SACS: variants seen among roughly 807,000 people sequenced by gnomAD.
SACS encodes sacsin molecular chaperone.
In SACS, 197 loss-of-function variants were observed where a neutral mutation model predicts 348.0. The observed-to-expected ratio is 0.57, with a 90% CI of 0.50 to 0.64. The LOEUF (loss-of-function observed/expected upper bound fraction) is 0.64, where lower values mean the gene tolerates loss of function less well. Ranked by LOEUF, SACS falls within the 30% of genes least tolerant of loss-of-function variation. SACS has a pLI of 0.00. For synonymous variants in SACS, 1,985 were observed against 1,910.6 expected (o/e 1.04, Z -1.02); for missense variants, 4,999 against 5,360.8 (o/e 0.93, Z 2.11).
intron 7 of SACS, among the ~76,000 whole-genome samples, chr13:23,357,876 C>T (rs1870494178): frequency 6.6e-6 from 1 of 152,116 alleles, no homozygotes; most frequent in African/African-American, 2.4e-5. Context: ...ATACCAGAAC[C>T]ACCTCAAAGA....
chr13:23,361,319 T>G (rs1381115306), intron 6 of SACS, among the ~76,000 whole-genome samples: 1 of 152,210 alleles, frequency 6.6e-6, no homozygotes, highest in Non-Finnish European at 1.5e-5. Flanking sequence ...TCTGATCATA[T>G]TCATCCTGGA....
At chr13:23,412,963 G>A (rs959138313) in intron 1 of SACS, among the ~76,000 whole-genome samples, 9 of 152,196 alleles carry the variant, frequency 5.9e-5, no homozygotes, top group African/African-American at 1.9e-4. Flanking sequence ...GGAAGCCTCA[G>A]TGAAAAATGA....
intron 1 of SACS, among the ~76,000 whole-genome samples, chr13:23,430,997 G>A (rs919685270): frequency 2.6e-5 from 4 of 152,138 alleles, no homozygotes; most frequent in African/African-American, 7.2e-5. Context: ...CAAGGGAATC[G>A]AGTCTTACCA....
intron 1 of SACS, among the ~76,000 whole-genome samples, chr13:23,430,764 C>T (rs1372737649): frequency 6.6e-6 from 1 of 152,170 alleles, no homozygotes; most frequent in Non-Finnish European, 1.5e-5. Context: ...TTATTTTCTG[C>T]CCCAGATGAC....
chr13:23,429,092 T>C (rs1262402004), intron 1 of SACS, among the ~76,000 whole-genome samples: 2 of 152,148 alleles, frequency 1.3e-5, no homozygotes, highest in South Asian at 2.1e-4. Flanking sequence ...TATGAGTGAA[T>C]TGTATGGTAT....
In SACS at chr13:23,398,775, C is replaced by G. The variant is rs146091500; in HGVS notation, c.20+12445G>C. ...GCAGAGGAAGCTCTTAGATAACAGA[C>G]TTCAGAGAGAGCAGGTTGTAAATTG... On this transcript the variant is annotated intron_variant, in intron 2 of 9. Coordinates refer to ENST00000382292, the MANE Select transcript of SACS (RefSeq NM_014363.6). Among the ~76,000 whole-genome samples the G allele has an allele frequency of 8.1e-4, 123 of 152,024 alleles. 1 individual carries two copies. The highest frequency in any genetic ancestry group is 2.8e-3 in the African/African-American group (117 of 41,464).
At position 23,330,946 on chromosome 13, in the gene SACS, C is replaced by T. The variant is rs756753303; in HGVS notation, c.12930G>A (p.Val4310=). The change falls in exon 10 of 10, where the codon GTG becomes GTA. Residue 4310 remains valine, a synonymous_variant. Coordinates refer to ENST00000382292, the MANE Select transcript of SACS (RefSeq NM_014363.6). ...TCCATGCTTGCTCCACCACAGATGT[C>T]ACTTCTTTTAAGATTTCTGGTAAAG... is the stretch of plus-strand genomic sequence containing the variant. ...VNSLPEILKE[V]TSVVEQAWKL... 1.2e-6 allele frequency: 2 copies of T among 1,614,080 alleles called. No individual in the cohort carries two copies. The highest frequency in any genetic ancestry group is 1.7e-5 in the Admixed American group (1 of 60,020).
intron 8 of SACS, 40 bp downstream of exon 8, chr13:23,354,479 C>A (rs1192612640): frequency 3.2e-6 from 5 of 1,569,934 alleles, no homozygotes; most frequent in East Asian, 2.2e-5. Context: ...AGCAGGGGAA[C>A]CCTAAGAGTG....
Position 23,330,753 on chromosome 13 carries a change from C to A in SACS, c.13123G>T (p.Ala4375Ser), listed in dbSNP as rs1201867800. Residue 4375 changes from alanine to serine, a missense_variant, in exon 10 of 10, where the codon GCC becomes TCC. This residue lies in a region of SACS where 254 missense variants were observed against 275.1 expected (regional missense o/e 0.92). Transcript: ENST00000382292. Reference sequence around the variant, plus strand: ...GAGGTTGAAAATGTTCGTCTGGAGGCCCTGTCTGCATTTTGATCTAGAAAA... The same window carrying A: ...GAGGTTGAAAATGTTCGTCTGGAGGACCTGTCTGCATTTTGATCTAGAAAA... ...QAFLDQNADRASRRTFSTSAS... is the reference protein window; with the variant it reads ...QAFLDQNADRSSRRTFSTSAS... 2 of 1,613,676 alleles carry A rather than the reference C, an allele frequency of 1.2e-6. No homozygotes were observed. Among genetic ancestry groups the A allele is most frequent in the Non-Finnish European group, 1.7e-6 (2 of 1,179,892 alleles).
chr13:23,375,158 G>A lies in SACS; in HGVS notation c.132C>T (p.Phe44=). Residue 44 remains phenylalanine, a synonymous_variant, in exon 3 of 10, where the codon TTC becomes TTT. Coordinates refer to ENST00000382292, the MANE Select transcript of SACS (RefSeq NM_014363.6). ...VKERIFAETG[F]PVSEQRLWRG... The stretch of plus-strand genomic sequence containing the variant: ...GCCACAGCCGCTGCTCCGACACCGG[G>A]AAGCCAGTCTCCGCGAAGATACGTT... 5 of 1,504,868 alleles carry A rather than the reference G, an allele frequency of 3.3e-6. No homozygotes were observed. The highest frequency in any genetic ancestry group is 1.3e-5 in the South Asian group (1 of 79,710). 93.2% of individuals were successfully genotyped at this position (1,504,868 alleles called of 1,614,324 possible).
At chr13:23,349,499 T>A (rs968874015) in intron 9 of SACS, among the ~76,000 whole-genome samples, 4 of 152,242 alleles carry the variant, frequency 2.6e-5, no homozygotes, top group Admixed American at 6.5e-5. Context: ...GATATTATGT[T>A]AAACTATATG....
intron 1 of SACS, among the ~76,000 whole-genome samples, chr13:23,421,337 G>A (rs1224766651): frequency 1.3e-5 from 2 of 152,014 alleles, no homozygotes; most frequent in African/African-American, 4.8e-5. Context: ...TATTCACCAG[G>A]GGTTTAGGCA....
Position 23,335,373 on chromosome 13 carries a change from T to C in SACS, c.8503A>G (p.Ser2835Gly). Residue 2835 changes from serine (S) to glycine (G), a missense_variant, in exon 10 of 10, where the codon AGT (serine) becomes GGT (glycine). By Grantham distance (56) the Ser-to-Gly change is moderately conservative (BLOSUM62 0). Coordinates refer to ENST00000382292, the MANE Select transcript of SACS (RefSeq NM_014363.6). This position sits in a 1 kb window ranked among gnomAD's most constrained non-coding sequence, Gnocchi z 4.7. Reference sequence around the variant, plus strand: ...TGGTTCTTGTGAGCTGATATGACACTTTTAGATACTTTCTCCATACTTGAA... The same window carrying C: ...TGGTTCTTGTGAGCTGATATGACACCTTTAGATACTTTCTCCATACTTGAA... ...GFSSMEKVSK[S>G]VISAHKNQDI... The C allele has an allele frequency of 6.2e-7, 1 of 1,613,898 alleles. No homozygotes were observed. The highest frequency in any genetic ancestry group is 1.3e-5 in the African/African-American group (1 of 75,046).
At chr13:23,397,855 C>G (rs545869772) in intron 2 of SACS, among the ~76,000 whole-genome samples, 1 of 152,130 alleles carries the variant, frequency 6.6e-6, no homozygotes, top group African/African-American at 2.4e-5. Flanking sequence ...TGAGGTACAG[C>G]TTGGTTTTAT....
chr13:23,355,236 C>G lies in SACS; in HGVS notation c.1376G>C (p.Gly459Ala), dbSNP rs1870278427. ...GAACCCACTGATGTGAACTGGGAGG[C>G]CTGTGCTGCTTTCCTCACCAGGTGG... ...PLPPGEESST[G>A]LPVHISGFFG... The change falls in exon 8 of 10, where the codon GGC (glycine) becomes GCC (alanine). Residue 459 changes from glycine (G) to alanine (A), a missense_variant. Around this residue, in one of 6 missense-constraint regions of SACS, gnomAD observed 3,156 missense variants for 3,380.1 expected, o/e 0.93. Coordinates refer to ENST00000382292, the MANE Select transcript of SACS (RefSeq NM_014363.6). The G allele has an allele frequency of 1.2e-6, 2 of 1,614,168 alleles. No homozygotes were observed. The highest frequency in any genetic ancestry group is 1.7e-6 in the Non-Finnish European group (2 of 1,180,034).
Position 23,336,320 on chromosome 13 carries a change from C to T in SACS, c.7556G>A (p.Gly2519Asp). The T allele has an allele frequency of 6.2e-7, 1 of 1,614,086 alleles. No homozygotes were observed. The highest frequency in any genetic ancestry group is 8.5e-7 in the Non-Finnish European group (1 of 1,179,972). Residue 2519 changes from glycine (G) to aspartate (D), a missense_variant, in exon 10 of 10, where the codon GGC becomes GAC. Physicochemically the swap from Gly to Asp is moderately conservative, Grantham distance 94. This residue lies in a region of SACS where 3,156 missense variants were observed against 3,380.1 expected (regional missense o/e 0.93). Coordinates refer to ENST00000382292, the MANE Select transcript of SACS (RefSeq NM_014363.6). ...YASNVCFTTL[G>D]TEFGQKEKLT... ...TTTTTCTTTCTGCCCAAATTCTGTG[C>T]CAAGTGTTGTAAAACAGACATTGGA...
intron 2 of SACS, among the ~76,000 whole-genome samples, chr13:23,384,585 T>C (rs969050023): frequency 1.3e-5 from 2 of 152,222 alleles, no homozygotes; most frequent in African/African-American, 4.8e-5. Flanking sequence ...TGATTTATCC[T>C]TTCACAGCAA....
chr13:23,409,930 T>G (rs1011900128), intron 2 of SACS, among the ~76,000 whole-genome samples: 1 of 152,224 alleles, frequency 6.6e-6, no homozygotes, highest in Non-Finnish European at 1.5e-5. Context: ...TAAACATTTA[T>G]AGTTAGTGTC....
intron 9 of SACS, among the ~76,000 whole-genome samples, chr13:23,353,427 G>A (rs1384680838): frequency 1.3e-5 from 2 of 152,152 alleles, no homozygotes; most frequent in Non-Finnish European, 2.9e-5. Flanking sequence ...CTCCTCTTCT[G>A]TGAAATTTAA....
Sources: allele counts gnomAD v4.1 joint callset (sites outside exome capture counted in the v4.1 genomes callset), GRCh38; gene constraint gnomAD v4.1.1; regional missense constraint gnomAD v4.1.1; non-coding constraint Gnocchi (gnomAD v3.1); transcripts MANE v1.5; gene names NCBI Gene and HGNC (gene_info 2026-07-23, HGNC 2026-07-21).